Variants in SLC1A2 observed in about 807,000 individuals in gnomAD.
SLC1A2 encodes solute carrier family 1 member 2.
SLC1A2 carries 15 observed loss-of-function variants against 48.8 expected under a neutral mutation model. That is an observed-to-expected ratio of 0.31 (90% CI 0.21 to 0.47). The LOEUF (loss-of-function observed/expected upper bound fraction) is 0.47, where lower values mean the gene tolerates loss of function less well. Ranked by LOEUF, SLC1A2 falls within the 20% of genes least tolerant of loss-of-function variation. The probability of loss-of-function intolerance (pLI) is 0.99; values close to 1 mark genes in which losing one functional copy is unlikely to be tolerated. For synonymous variants in SLC1A2, 279 were observed against 272.6 expected (o/e 1.02, Z -0.23); for missense variants, 502 against 730.5 (o/e 0.69, Z 3.61).
intron 5 of SLC1A2, 104 bp downstream of exon 5, chr11:35,305,970 G>A (rs1005244829): frequency 9.9e-7 from 1 of 1,014,574 alleles, no homozygotes; most frequent in African/African-American, 1.6e-5. Context: ...AGAGCCTCCT[G>A]CTCCACCTAG....
At chr11:35,276,801 C>T (rs1288863208) in intron 9 of SLC1A2, among the ~76,000 whole-genome samples, 1 of 152,110 alleles carries the variant, frequency 6.6e-6, no homozygotes, top group Non-Finnish European at 1.5e-5. Context: ...TATTTTCATG[C>T]TGAGAGAAGA....
chr11:35,322,731 AGTT>A (rs1388438069), intron 1 of SLC1A2: 4 of 1,013,824 alleles, frequency 3.9e-6, no homozygotes, highest in African/African-American at 1.6e-5. Flanking sequence ...CCCGTAAGAC[AGTT>A]GTTGTATTTG....
intron 1 of SLC1A2, among the ~76,000 whole-genome samples, chr11:35,376,602 C>A (rs1854238650): frequency 1.3e-5 from 2 of 152,126 alleles, no homozygotes; most frequent in South Asian, 4.2e-4. Context: ...GGGTTAAAAA[C>A]CAACATGTTT....
rs184854368 is a variant in SLC1A2 at position 35,416,991 on chromosome 11, T to C, written c.17+1959A>G. 1.1e-3 allele frequency among the ~76,000 whole-genome samples: 168 copies of C among 152,336 alleles called. 1 individual carries two copies. The highest frequency in any genetic ancestry group is 4.6e-3 in the East Asian group (24 of 5,190). On this transcript the variant is annotated intron_variant, in intron 1 of 10. Transcript: ENST00000278379. ...TCAACAAGTGCTCAGTAAATGCTCCTGCAAGAAAAGAAGAGAAGAAGAAAG... is the reference window on the plus strand; with the variant it reads ...TCAACAAGTGCTCAGTAAATGCTCCCGCAAGAAAAGAAGAGAAGAAGAAAG...
chr11:35,318,784 T>C (rs1565240036), intron 1 of SLC1A2, among the ~76,000 whole-genome samples: 1 of 152,176 alleles, frequency 6.6e-6, no homozygotes, highest in Non-Finnish European at 1.5e-5. Context: ...AGAAGAGACA[T>C]ATAACACCCA....
intron 9 of SLC1A2, among the ~76,000 whole-genome samples, chr11:35,273,299 G>A (rs1426208686): frequency 6.6e-6 from 1 of 152,164 alleles, no homozygotes; most frequent in Non-Finnish European, 1.5e-5. Context: ...AAGTCACATG[G>A]GGTTAGGGAA....
chr11:35,336,787 T>C (rs1169760831), intron 1 of SLC1A2, among the ~76,000 whole-genome samples: 1 of 152,150 alleles, frequency 6.6e-6, no homozygotes, highest in Non-Finnish European at 1.5e-5. Flanking sequence ...TTACAAGCAC[T>C]CACAGCCGGG....
In SLC1A2 at chr11:35,409,063, G is replaced by A. The variant is rs575275102; in HGVS notation, c.17+9887C>T. ...CAATGTCTTGGTCTCAGAAAGCAGA[G>A]TCAACTGATGCAAGAAAATAAGGGA... On this transcript the variant is annotated intron_variant, in intron 1 of 10. Coordinates refer to ENST00000278379, the MANE Select transcript of SLC1A2 (RefSeq NM_004171.4). 5.4e-4 allele frequency among the ~76,000 whole-genome samples: 82 copies of A among 152,296 alleles called. 1 individual carries two copies. Among genetic ancestry groups the A allele is most frequent in the African/African-American group, 1.9e-3 (81 of 41,566 alleles).
chr11:35,330,027 T>G (rs1450816110), intron 1 of SLC1A2, among the ~76,000 whole-genome samples: 1 of 152,236 alleles, frequency 6.6e-6, no homozygotes, highest in Non-Finnish European at 1.5e-5. Context: ...AGTCAGGCAG[T>G]TGGTGAGTAG....
At chr11:35,310,450 A>T (rs1591456710) in intron 4 of SLC1A2, among the ~76,000 whole-genome samples, 1 of 152,160 alleles carries the variant, frequency 6.6e-6, no homozygotes, top group East Asian at 1.9e-4. Flanking sequence ...TCTGCATCCA[A>T]CTTCCCTGGC....
intron 1 of SLC1A2, among the ~76,000 whole-genome samples, chr11:35,369,491 C>T (rs192086830): frequency 6.3e-4 from 96 of 152,278 alleles, no homozygotes; most frequent in African/African-American, 2.1e-3. Context: ...TGAATGGAAA[C>T]TCATGCTGGA....
At chr11:35,417,660 A>G (rs1441007202) in intron 1 of SLC1A2, among the ~76,000 whole-genome samples, 1 of 152,204 alleles carries the variant, frequency 6.6e-6, no homozygotes, top group African/African-American at 2.4e-5. Context: ...AAAAAGTCTA[A>G]ACTGCAAAAT....
At chr11:35,372,840 C>T (rs1384814999) in intron 1 of SLC1A2, among the ~76,000 whole-genome samples, 1 of 152,108 alleles carries the variant, frequency 6.6e-6, no homozygotes, top group Non-Finnish European at 1.5e-5. Context: ...CCATTCTAAG[C>T]CCTTCATTTA....
intron 1 of SLC1A2, among the ~76,000 whole-genome samples, chr11:35,417,605 A>G (rs1855647707): frequency 6.6e-6 from 1 of 152,220 alleles, no homozygotes; most frequent in Non-Finnish European, 1.5e-5. Flanking sequence ...CCCTCCTTGT[A>G]CACAGGTGTC....
chr11:35,414,842 C>G (rs116600632), intron 1 of SLC1A2, among the ~76,000 whole-genome samples: 1 of 152,248 alleles, frequency 6.6e-6, no homozygotes, highest in East Asian at 1.9e-4. Context: ...TTGTAGCAGG[C>G]GACTGAAATG....
intron 1 of SLC1A2, among the ~76,000 whole-genome samples, chr11:35,409,344 G>A (rs191691351): frequency 7.2e-5 from 11 of 152,258 alleles, no homozygotes; most frequent in Non-Finnish European, 1.5e-4. Context: ...AATAACACTT[G>A]CAGGAGTGTG....
At chr11:35,281,579 G>C (rs1226914950) in intron 8 of SLC1A2, among the ~76,000 whole-genome samples, 2 of 152,116 alleles carry the variant, frequency 1.3e-5, no homozygotes, top group Non-Finnish European at 2.9e-5. Context: ...CCTCACCATG[G>C]GCTGGAAAAT....
chr11:35,286,211 T>C (rs1392377049), intron 8 of SLC1A2: 1 of 152,306 alleles, frequency 6.6e-6, no homozygotes, highest in Non-Finnish European at 1.5e-5. Context: ...AACTATGTGC[T>C]ATTTATTTGT....
chr11:35,266,835 A>G (rs1297818403), intron 9 of SLC1A2, among the ~76,000 whole-genome samples: 1 of 152,232 alleles, frequency 6.6e-6, no homozygotes, highest in Non-Finnish European at 1.5e-5. Flanking sequence ...TTGTTCTTGG[A>G]ACAAAGACTC....
Sources: gnomAD v4.1 joint callset for allele counts (sites outside exome capture counted in the v4.1 genomes callset) on GRCh38, gnomAD v4.1.1 for gene constraint, MANE v1.5 for transcripts, NCBI Gene and HGNC (gene_info 2026-07-23, HGNC 2026-07-21) for gene names.